POU6F2: variants seen among roughly 807,000 people sequenced by gnomAD.
POU6F2 encodes POU domain, class 6, transcription factor 2.
POU6F2 carries 31 observed loss-of-function variants against 71.3 expected under a neutral mutation model. The ratio of observed to expected loss-of-function variants is 0.43; its 90% CI spans 0.33 to 0.59. The LOEUF (loss-of-function observed/expected upper bound fraction) is 0.59, where lower values mean the gene tolerates loss of function less well. Ranked by LOEUF, POU6F2 falls within the 20% of genes least tolerant of loss-of-function variation. The pLI, the probability that POU6F2 is intolerant of heterozygous loss-of-function variation, is 0.04. For synonymous variants in POU6F2, 347 were observed against 355.7 expected, an observed-to-expected ratio of 0.98 and a Z score of 0.27; for missense variants, 783 against 856.8, an observed-to-expected ratio of 0.91 and a Z score of 1.07.
At chr7:39,139,605 G>A (rs1041227984) in intron 2 of POU6F2, among the ~76,000 whole-genome samples, 9 of 152,154 alleles carry the variant, frequency 5.9e-5, no homozygotes, top group African/African-American at 1.9e-4. Flanking sequence ...CTCCGGCCAC[G>A]ATTTGTGCTA....
At chr7:39,312,061 T>C (rs963034488) in intron 4 of POU6F2, among the ~76,000 whole-genome samples, 1 of 151,312 alleles carries the variant, frequency 6.6e-6, no homozygotes, top group African/African-American at 2.4e-5. Context: ...GCAGTGAAAA[T>C]AGAAGAAAAG....
chr7:39,072,652 A>C (rs760143391), intron 1 of POU6F2, among the ~76,000 whole-genome samples: 3 of 152,244 alleles, frequency 2.0e-5, no homozygotes, highest in Non-Finnish European at 4.4e-5. Flanking sequence ...CAGATGCTTC[A>C]TCTGTTCCAT....
intron 4 of POU6F2, among the ~76,000 whole-genome samples, chr7:39,297,498 T>G (rs1302686013): frequency 2.0e-5 from 3 of 152,172 alleles, no homozygotes; most frequent in Non-Finnish European, 4.4e-5. Context: ...AACCAAAAAG[T>G]AGGGAAACCG....
chr7:39,112,607 G>T (rs1370627839), intron 2 of POU6F2, among the ~76,000 whole-genome samples: 1 of 151,974 alleles, frequency 6.6e-6, no homozygotes, highest in African/African-American at 2.4e-5. Flanking sequence ...TACAGCATAA[G>T]AATTGAGTGT....
At chr7:39,029,123 G>T (rs994583489) in intron 1 of POU6F2, among the ~76,000 whole-genome samples, 7 of 152,016 alleles carry the variant, frequency 4.6e-5, no homozygotes, top group Admixed American at 4.6e-4. Flanking sequence ...CAACTGGCTA[G>T]ATTTTCTTTT....
chr7:39,031,052 C>A (rs1268299413), intron 1 of POU6F2, among the ~76,000 whole-genome samples: 1 of 151,984 alleles, frequency 6.6e-6, no homozygotes, highest in Non-Finnish European at 1.5e-5. Flanking sequence ...AGGTGCCCAC[C>A]ACCGCGTCTG....
At chr7:39,233,791 C>CAG (rs998778437) in intron 4 of POU6F2, among the ~76,000 whole-genome samples, 2 of 152,168 alleles carry the variant, frequency 1.3e-5, no homozygotes, top group Admixed American at 1.3e-4. Flanking sequence ...TCCAGCATAG[C>CAG]AGAGTCTTTC....
At chr7:39,391,948 G>C (rs989320123) in intron 5 of POU6F2, among the ~76,000 whole-genome samples, 2 of 152,182 alleles carry the variant, frequency 1.3e-5, no homozygotes, top group African/African-American at 4.8e-5. Context: ...AGGTGTTCAC[G>C]TGCCTCTTGT....
In POU6F2 at chr7:39,451,538, C is replaced by T. The variant is rs1227861938; in HGVS notation, c.1326C>T (p.His442=). ...TTTTACATCCCCTCATGTAGCTCCA[C>T]CAACCCTCCCAGACGTCAGTGGGTC... ...LSPIKPGQQL[H]QPSQTSVGQA... is the part of the protein sequence containing the mutation. Residue 442 remains histidine, a synonymous_variant, in exon 8 of 10, where the codon CAC becomes CAT. Coordinates refer to ENST00000518318, the MANE Select transcript of POU6F2 (RefSeq NM_001370959.1). The T allele has an allele frequency of 6.2e-7, 1 of 1,612,614 alleles. No individual in the cohort carries two copies. The highest frequency in any genetic ancestry group is 8.5e-7 in the Non-Finnish European group (1 of 1,178,994).
At chr7:39,448,658 C>T (rs1045235913) in intron 7 of POU6F2, among the ~76,000 whole-genome samples, 1 of 152,138 alleles carries the variant, frequency 6.6e-6, no homozygotes. Context: ...ATATTGCAGT[C>T]TAGTAATTTT....
rs1324058106 is a variant in POU6F2, at chr7:39,386,116, T to A, written c.973-20484T>A. Among the ~76,000 whole-genome samples, 13 of 91,760 alleles carry A rather than the reference T, an allele frequency of 1.4e-4. No individual in the cohort carries two copies. In the South Asian group the frequency reaches 3.3e-3, roughly 23 times the overall value. 60.2% of individuals were successfully genotyped at this position (91,760 alleles called of 152,430 possible). On this transcript the variant is annotated intron_variant, in intron 5 of 9. Coordinates refer to ENST00000518318, the MANE Select transcript of POU6F2 (RefSeq NM_001370959.1). ...CTGGGCAACAGAGCAAGACTCCGTC[T>A]CAAAAAAAAAAAAAAAAAAGAACCA...
intron 2 of POU6F2, among the ~76,000 whole-genome samples, chr7:39,131,898 C>T (rs1223069254): frequency 6.6e-6 from 1 of 151,506 alleles, no homozygotes; most frequent in African/African-American, 2.4e-5. Context: ...AGGTGTGTAT[C>T]TTTATGGGGT....
intron 4 of POU6F2, among the ~76,000 whole-genome samples, chr7:39,226,823 A>G (rs1794469171): frequency 6.6e-6 from 1 of 152,224 alleles, no homozygotes; most frequent in African/African-American, 2.4e-5. Context: ...TTTCTGTTTG[A>G]TAAAAAATAA....
chr7:39,107,857 C>T (rs1193369727), intron 2 of POU6F2, among the ~76,000 whole-genome samples: 2 of 152,136 alleles, frequency 1.3e-5, no homozygotes, highest in African/African-American at 4.8e-5. Context: ...AAGAAGACTC[C>T]ACCAGAAAAG....
At chr7:39,328,012 C>A (rs957802624) in intron 4 of POU6F2, among the ~76,000 whole-genome samples, 1 of 152,072 alleles carries the variant, frequency 6.6e-6, no homozygotes, top group African/African-American at 2.4e-5. Context: ...CCTCCGTCTC[C>A]CAGGTTCAAG....
intron 4 of POU6F2, among the ~76,000 whole-genome samples, chr7:39,315,428 G>A (rs1002006169): frequency 6.6e-6 from 1 of 152,128 alleles, no homozygotes; most frequent in Non-Finnish European, 1.5e-5. Flanking sequence ...ACACATAATA[G>A]GTACTCAATG....
At chr7:38,980,408 T>A (rs1788288362) in intron 1 of POU6F2, among the ~76,000 whole-genome samples, 2 of 152,164 alleles carry the variant, frequency 1.3e-5, no homozygotes, top group African/African-American at 4.8e-5. Flanking sequence ...TGAAACCATA[T>A]CTAGAAATAT....
At chr7:39,092,361 G>A (rs534899924) in intron 2 of POU6F2, among the ~76,000 whole-genome samples, 1 of 151,998 alleles carries the variant, frequency 6.6e-6, no homozygotes, top group East Asian at 1.9e-4. Flanking sequence ...GTACTTAGCT[G>A]GTGTTTTTGT....
intron 5 of POU6F2, among the ~76,000 whole-genome samples, chr7:39,372,892 T>C (rs1048893501): frequency 6.6e-6 from 1 of 151,964 alleles, no homozygotes; most frequent in Non-Finnish European, 1.5e-5. Flanking sequence ...TGCTACTGAG[T>C]AATAGTAAGG....
Sources: allele counts gnomAD v4.1 joint callset (sites outside exome capture counted in the v4.1 genomes callset), GRCh38; gene constraint gnomAD v4.1.1; transcripts MANE v1.5; gene names NCBI Gene and HGNC (gene_info 2026-07-23, HGNC 2026-07-21).